AGBL1: variants seen among roughly 807,000 people sequenced by gnomAD.
AGBL1 encodes the protein cytosolic carboxypeptidase 4.
AGBL1 carries 130 observed loss-of-function variants against 118.9 expected under a neutral mutation model. The observed-to-expected ratio is 1.09, with a 90% CI of 0.95 to 1.26. AGBL1 has a LOEUF of 1.26. AGBL1 is among the 50% of genes most tolerant of loss of function. AGBL1 has a pLI of 0.00. For synonymous variants in AGBL1, 555 were observed against 478.9 expected, an observed-to-expected ratio of 1.16 and a Z score of -2.08; for missense variants, 1,584 against 1,298.1, an observed-to-expected ratio of 1.22 and a Z score of -3.38.
At chr15:86,495,278 C>T (rs550693817) in intron 18 of AGBL1, among the ~76,000 whole-genome samples, 1 of 151,630 alleles carries the variant, frequency 6.6e-6, no homozygotes, top group East Asian at 1.9e-4. Flanking sequence ...AACAAACACA[C>T]CCCATTCCAA....
chr15:86,673,616 G>T (rs2085784327), intron 21 of AGBL1, among the ~76,000 whole-genome samples: 1 of 152,166 alleles, frequency 6.6e-6, no homozygotes, highest in Non-Finnish European at 1.5e-5. Context: ...CTGAGTTAAT[G>T]CAAATCAAAG....
At chr15:86,079,826 C>T (rs1014502923), upstream of AGBL1, 6 of 462,992 alleles carry the variant, frequency 1.3e-5, no homozygotes, top group Non-Finnish European at 1.4e-5. Flanking sequence ...GGTTGCACCG[C>T]GCTGACTTCA....
rs1013387301 is a variant in AGBL1 at position 86,365,154 on chromosome 15, A to G, written c.2375-32212A>G. 4.6e-5 allele frequency among the ~76,000 whole-genome samples: 7 copies of G among 151,972 alleles called. No homozygotes were observed. In the East Asian group the frequency reaches 1.3e-3, roughly 29 times the overall value. On this transcript the variant is annotated intron_variant, in intron 17 of 22. Coordinates refer to ENST00000614907, the MANE Select transcript of AGBL1 (RefSeq NM_001386094.1). ...AAAGAAAAGTCTATTTCCACAAAAG[A>G]CAAGCAGTAGTAACTGAAAAAGTGT...
intron 22 of AGBL1, among the ~76,000 whole-genome samples, chr15:86,752,603 C>T (rs563369698): frequency 1.3e-5 from 2 of 152,144 alleles, no homozygotes; most frequent in South Asian, 2.1e-4. Flanking sequence ...CCAGGCTCTA[C>T]CCCATTGCCA....
chr15:86,120,122 C>T (rs1370039977), intron 1 of AGBL1, among the ~76,000 whole-genome samples: 1 of 152,040 alleles, frequency 6.6e-6, no homozygotes, highest in Non-Finnish European at 1.5e-5. Flanking sequence ...AATCTAAACT[C>T]CCCATTAAAA....
chr15:86,439,905 C>A (rs536745796), intron 18 of AGBL1, among the ~76,000 whole-genome samples: 1 of 152,176 alleles, frequency 6.6e-6, no homozygotes, highest in Non-Finnish European at 1.5e-5. Flanking sequence ...ACAGAGCACA[C>A]GGCCCCAGTG....
At chr15:86,438,845 A>G (rs1372536862) in intron 18 of AGBL1, among the ~76,000 whole-genome samples, 1 of 151,922 alleles carries the variant, frequency 6.6e-6, no homozygotes, top group African/African-American at 2.4e-5. Context: ...TATTTTTAGT[A>G]GAATCGGGGT....
At chr15:86,144,287 T>C (rs1428904738) in intron 3 of AGBL1, among the ~76,000 whole-genome samples, 3 of 152,098 alleles carry the variant, frequency 2.0e-5, no homozygotes. Flanking sequence ...AAGACAGAAA[T>C]ACCATTCGAT....
intron 17 of AGBL1, among the ~76,000 whole-genome samples, chr15:86,353,252 A>G (rs1417141495): frequency 1.3e-5 from 2 of 152,246 alleles, no homozygotes; most frequent in Non-Finnish European, 2.9e-5. Context: ...GTTGCCAGGA[A>G]AAGAGTAAGA....
chr15:86,178,804 C>T (rs1019871501), intron 5 of AGBL1, among the ~76,000 whole-genome samples: 4 of 152,094 alleles, frequency 2.6e-5, no homozygotes, highest in Non-Finnish European at 1.5e-5. Context: ...CAACCAATAT[C>T]TCTCTTTTTT....
At chr15:86,349,461 T>G (rs535408077) in intron 17 of AGBL1, among the ~76,000 whole-genome samples, 2 of 152,356 alleles carry the variant, frequency 1.3e-5, no homozygotes, top group East Asian at 3.9e-4. Flanking sequence ...TGTTTGCAAT[T>G]TCTCACCTGA....
chr15:86,721,201 A>T (rs1196728643), intron 22 of AGBL1, among the ~76,000 whole-genome samples: 1 of 152,102 alleles, frequency 6.6e-6, no homozygotes, highest in Non-Finnish European at 1.5e-5. Flanking sequence ...AACAAAAAAA[A>T]AGAATTTTAG....
intron 21 of AGBL1, among the ~76,000 whole-genome samples, chr15:86,588,305 CAAAG>C (rs2084282500): frequency 1.3e-5 from 2 of 152,180 alleles, no homozygotes; most frequent in Non-Finnish European, 2.9e-5. Context: ...CAGGTCTTAT[CAAAG>C]ACCCTCTTAC....
intron 5 of AGBL1, among the ~76,000 whole-genome samples, chr15:86,181,046 C>G (rs950167349): frequency 3.3e-5 from 5 of 152,114 alleles, no homozygotes; most frequent in African/African-American, 1.2e-4. Flanking sequence ...AACACCAACA[C>G]TCACACTTTG....
intron 17 of AGBL1, among the ~76,000 whole-genome samples, chr15:86,319,711 G>A (rs1017924202): frequency 8.8e-6 from 1 of 113,358 alleles, no homozygotes; most frequent in Non-Finnish European, 1.8e-5. Context: ...GGGAAGTCTT[G>A]TAGTCTTGTA....
intron 24 of AGBL1, among the ~76,000 whole-genome samples, chr15:87,009,321 C>A (rs1363955053): frequency 2.1e-5 from 3 of 146,242 alleles, no homozygotes; most frequent in Non-Finnish European, 3.1e-5. Context: ...AAGCCCCAAG[C>A]CTTGGCAGCT....
At chr15:86,943,408 T>A (rs2080778584) in intron 23 of AGBL1, among the ~76,000 whole-genome samples, 1 of 152,232 alleles carries the variant, frequency 6.6e-6, no homozygotes, top group Non-Finnish European at 1.5e-5. Context: ...GAATCTGTGA[T>A]ATCTCTCTCC....
downstream of AGBL1, among the ~76,000 whole-genome samples, chr15:87,029,452 T>C (rs1003562215): frequency 1.1e-4 from 17 of 151,706 alleles, no homozygotes; most frequent in African/African-American, 3.6e-4. Flanking sequence ...TCTTTGCATT[T>C]TTCTTAGATC....
At chr15:86,150,104 A>T (rs1302060975) in intron 3 of AGBL1, among the ~76,000 whole-genome samples, 1 of 152,242 alleles carries the variant, frequency 6.6e-6, no homozygotes, top group Non-Finnish European at 1.5e-5. Flanking sequence ...AATGTACCAG[A>T]ATCTCTGGGA....
Sources: gnomAD v4.1 joint callset for allele counts (sites outside exome capture counted in the v4.1 genomes callset) on GRCh38, gnomAD v4.1.1 for gene constraint, MANE v1.5 for transcripts, NCBI Gene and HGNC (gene_info 2026-07-23, HGNC 2026-07-21) for gene names.